The following CCDC171 variants were observed in gnomAD, a reference collection of about 807,000 sequenced individuals.
CCDC171 encodes coiled-coil domain containing 171, also known as coiled-coil domain-containing protein 171.
A neutral mutation model predicts 168.2 loss-of-function variants in CCDC171; 177 were observed. The observed-to-expected ratio is 1.05, with a 90% CI of 0.93 to 1.19. The LOEUF (loss-of-function observed/expected upper bound fraction) is 1.19. Ranked by LOEUF, CCDC171 falls within the 50% of genes most tolerant of loss-of-function variation. The pLI, the probability that CCDC171 is intolerant of heterozygous loss-of-function variation, is 0.00. For missense variants in CCDC171, 1,991 were observed against 1,539.0 expected, an observed-to-expected ratio of 1.29 and a Z score of -4.91; for synonymous variants, 687 against 540.8, an observed-to-expected ratio of 1.27 and a Z score of -3.75.
At position 15,724,920 on chromosome 9, in the gene CCDC171, G is replaced by A; in HGVS notation, c.1636G>A (p.Ala546Thr). ...HCWEKEKAQA[A>T]QSESELQKLS... The stretch of plus-strand genomic sequence containing the variant: ...TTGGGAGAAAGAAAAGGCTCAGGCA[G>A]CCCAGTCTGAAAGTGAACTGCAGAA... The change falls in exon 14 of 26, where the codon GCC becomes ACC. Residue 546 changes from alanine to threonine, a missense_variant. Coordinates refer to ENST00000380701, the MANE Select transcript of CCDC171 (RefSeq NM_173550.4). The A allele has an allele frequency of 1.9e-6, 3 of 1,613,966 alleles. No homozygotes were observed. The highest frequency in any genetic ancestry group is 1.7e-6 in the Non-Finnish European group (2 of 1,179,902).
intron 24 of CCDC171, among the ~76,000 whole-genome samples, chr9:15,891,989 T>C (rs1413119915): frequency 1.3e-5 from 2 of 152,056 alleles, no homozygotes; most frequent in Non-Finnish European, 2.9e-5. Context: ...CTTTCCCCAA[T>C]CCCCCATCTT....
intron 16 of CCDC171, among the ~76,000 whole-genome samples, chr9:15,736,544 G>T (rs1358846167): frequency 2.0e-5 from 3 of 152,052 alleles, no homozygotes; most frequent in Non-Finnish European, 4.4e-5. Context: ...TAGAGACGGG[G>T]TTTCGCCCTG....
At chr9:15,649,477 G>C (rs1200450198) in intron 7 of CCDC171, among the ~76,000 whole-genome samples, 1 of 151,950 alleles carries the variant, frequency 6.6e-6, no homozygotes, top group African/African-American at 2.4e-5. Context: ...CAGAATGGGA[G>C]AAAATTTTTG....
intron 4 of CCDC171, among the ~76,000 whole-genome samples, chr9:15,587,418 C>T (rs1587172978): frequency 6.6e-6 from 1 of 152,174 alleles, no homozygotes; most frequent in Admixed American, 6.5e-5. Flanking sequence ...TTGCCTGCTG[C>T]CATGCATGTA....
intron 24 of CCDC171, among the ~76,000 whole-genome samples, chr9:15,893,168 A>G (rs1820443268): frequency 6.6e-6 from 1 of 152,220 alleles, no homozygotes; most frequent in African/African-American, 2.4e-5. Flanking sequence ...AAACCTGACA[A>G]AAACAAGCAA....
intron 6 of CCDC171, among the ~76,000 whole-genome samples, chr9:15,607,608 C>T (rs769670758): frequency 1.1e-4 from 16 of 152,018 alleles, no homozygotes; most frequent in Non-Finnish European, 1.6e-4. Flanking sequence ...ACCACAGGCA[C>T]GTGTCACCAC....
chr9:15,660,813 A>C (rs774087752), intron 8 of CCDC171, among the ~76,000 whole-genome samples: 1 of 152,228 alleles, frequency 6.6e-6, no homozygotes, highest in South Asian at 2.1e-4. Context: ...TTTTGGTAGA[A>C]TGATTTATTT....
chr9:15,604,925 T>A (rs1005687742), intron 6 of CCDC171, among the ~76,000 whole-genome samples: 1 of 152,168 alleles, frequency 6.6e-6, no homozygotes, highest in Non-Finnish European at 1.5e-5. Flanking sequence ...GTTTTATTAT[T>A]TTATATTTTT....
At chr9:15,558,476 C>T (rs1213735777) in intron 1 of CCDC171, among the ~76,000 whole-genome samples, 1 of 152,092 alleles carries the variant, frequency 6.6e-6, no homozygotes, top group Non-Finnish European at 1.5e-5. Flanking sequence ...GTGTATGTGT[C>T]CAGGAATTTA....
chr9:15,783,462 C>T lies in CCDC171; in HGVS notation c.3082-1047C>T, dbSNP rs924413137. Among the ~76,000 whole-genome samples, 22 of 152,272 alleles carry T rather than the reference C, an allele frequency of 1.4e-4. No homozygotes were observed. In the East Asian group the frequency reaches 1.7e-3, roughly 12 times the overall value. ...ATTTGTGGCGAATGATATTAATCCACCTCACATCCTTTTTTACAATGGGAA... is the reference window on the plus strand; with the variant it reads ...ATTTGTGGCGAATGATATTAATCCATCTCACATCCTTTTTTACAATGGGAA... On this transcript the variant is annotated intron_variant, in intron 20 of 25. Coordinates refer to ENST00000380701, the MANE Select transcript of CCDC171 (RefSeq NM_173550.4).
chr9:15,649,785 T>A (rs2047357772), intron 7 of CCDC171, among the ~76,000 whole-genome samples: 1 of 152,300 alleles, frequency 6.6e-6, no homozygotes, highest in South Asian at 2.1e-4. Flanking sequence ...ATAGGAGCAT[T>A]TTTACACTGT....
chr9:15,598,273 CT>C (rs1393860275), intron 6 of CCDC171, among the ~76,000 whole-genome samples: 1 of 151,934 alleles, frequency 6.6e-6, no homozygotes, highest in East Asian at 1.9e-4. Flanking sequence ...CCTGCTTTCT[CT>C]TGTGGGCATT....
chr9:16,072,655 T>A, the CCDC171 span, among the ~76,000 whole-genome samples: 1 of 152,124 alleles, frequency 6.6e-6, no homozygotes, highest in Non-Finnish European at 1.5e-5. Flanking sequence ...TCAACTCTTC[T>A]TGGGACGGCA....
intron 25 of CCDC171, among the ~76,000 whole-genome samples, chr9:15,927,910 T>C (rs1308107361): frequency 6.6e-6 from 1 of 151,766 alleles, no homozygotes; most frequent in Non-Finnish European, 1.5e-5. Context: ...ATATACCTTA[T>C]CTTAGTTGAT....
intron 25 of CCDC171, among the ~76,000 whole-genome samples, chr9:15,925,719 A>T (rs1258694966): frequency 6.6e-6 from 1 of 151,536 alleles, no homozygotes. Context: ...TTGTGAATGT[A>T]GTTTTGAGTA....
chr9:15,797,132 T>TAATTATGTTAA (rs2058595800), intron 21 of CCDC171, among the ~76,000 whole-genome samples: 1 of 152,220 alleles, frequency 6.6e-6, no homozygotes, highest in Non-Finnish European at 1.5e-5. Context: ...ACCTGATGAT[T>TAATTATGTTAA]AATTATGTTA....
At chr9:15,896,603 C>A (rs1383226457) in intron 24 of CCDC171, among the ~76,000 whole-genome samples, 1 of 152,068 alleles carries the variant, frequency 6.6e-6, no homozygotes, top group Non-Finnish European at 1.5e-5. Context: ...TTGTGCTTGA[C>A]TAAGGAGGTT....
At chr9:15,773,920 A>G (rs2057152532) in intron 18 of CCDC171, among the ~76,000 whole-genome samples, 1 of 152,158 alleles carries the variant, frequency 6.6e-6, no homozygotes, top group Admixed American at 6.5e-5. Flanking sequence ...TCCAGAATCT[A>G]CAAAGAACTC....
chr9:15,925,885 C>G (rs949353119), intron 25 of CCDC171, among the ~76,000 whole-genome samples: 6 of 151,572 alleles, frequency 4.0e-5, no homozygotes, highest in African/African-American at 1.5e-4. Context: ...GGAACTCACA[C>G]GTCTCTGTGT....
Sources: gnomAD v4.1 joint callset for allele counts (sites outside exome capture counted in the v4.1 genomes callset) on GRCh38, gnomAD v4.1.1 for gene constraint, MANE v1.5 for transcripts, NCBI Gene and HGNC (gene_info 2026-07-23, HGNC 2026-07-21) for gene names.